ITGA9: variants seen among roughly 807,000 people sequenced by gnomAD.
ITGA9 encodes integrin alpha-9.
ITGA9 carries 56 observed loss-of-function variants against 127.8 expected under a neutral mutation model. That is an observed-to-expected ratio of 0.44 (90% CI 0.35 to 0.55). ITGA9 has a LOEUF of 0.55. ITGA9 is among the 20% of genes least tolerant of loss of function. The probability of loss-of-function intolerance (pLI) is 0.00; values close to 1 mark genes in which losing one functional copy is unlikely to be tolerated. For synonymous variants in ITGA9, 508 were observed against 514.5 expected (o/e 0.99, Z 0.17); for missense variants, 1,196 against 1,347.1 (o/e 0.89, Z 1.76).
chr3:37,527,032 A>G (rs1363581586), intron 13 of ITGA9, among the ~76,000 whole-genome samples: 1 of 152,242 alleles, frequency 6.6e-6, no homozygotes, highest in Non-Finnish European at 1.5e-5. Flanking sequence ...CTCAGGGGCC[A>G]GGTGGCCGGG....
intron 16 of ITGA9, among the ~76,000 whole-genome samples, chr3:37,638,403 A>C (rs2125639829): frequency 6.6e-6 from 1 of 151,138 alleles, no homozygotes; most frequent in South Asian, 2.1e-4. Context: ...GCCTGAGAGA[A>C]GTTCTGGGAG....
chr3:37,600,425 ACTC>A (rs1699911642), intron 15 of ITGA9, among the ~76,000 whole-genome samples: 1 of 152,000 alleles, frequency 6.6e-6, no homozygotes, highest in Non-Finnish European at 1.5e-5. Flanking sequence ...CCTGTGCTAC[ACTC>A]GAGCCAAGGT....
At chr3:37,658,640 A>G (rs1054867325) in intron 17 of ITGA9, among the ~76,000 whole-genome samples, 10 of 152,046 alleles carry the variant, frequency 6.6e-5, no homozygotes, top group Non-Finnish European at 8.8e-5. Flanking sequence ...TCTTCATCCA[A>G]TTTGCCAGTC....
At chr3:37,550,750 A>G (rs909431155) in intron 15 of ITGA9, among the ~76,000 whole-genome samples, 1 of 152,260 alleles carries the variant, frequency 6.6e-6, no homozygotes, top group African/African-American at 2.4e-5. Context: ...TTAACTTTTA[A>G]TAATGGCTGT....
chr3:37,587,968 C>T (rs755253505), intron 15 of ITGA9, among the ~76,000 whole-genome samples: 1 of 152,122 alleles, frequency 6.6e-6, no homozygotes, highest in Non-Finnish European at 1.5e-5. Context: ...CTGGAACAGC[C>T]CTCATTTGTT....
At chr3:37,459,729 G>C (rs1166398237) in intron 1 of ITGA9, among the ~76,000 whole-genome samples, 1 of 152,202 alleles carries the variant, frequency 6.6e-6, no homozygotes, top group Non-Finnish European at 1.5e-5. Context: ...GCCCACCCAG[G>C]CTGACTGCCT....
intron 16 of ITGA9, among the ~76,000 whole-genome samples, chr3:37,630,653 AC>A: frequency 6.6e-6 from 1 of 152,318 alleles, no homozygotes; most frequent in East Asian, 1.9e-4. Flanking sequence ...CAGCCTACAC[AC>A]ACATCAGCCA....
intron 27 of ITGA9, among the ~76,000 whole-genome samples, chr3:37,804,885 A>G (rs1697277669): frequency 1.3e-5 from 2 of 152,218 alleles, no homozygotes; most frequent in South Asian, 4.1e-4. Flanking sequence ...TTCACATCCC[A>G]GAAATAACCA....
chr3:37,498,494 G>A (rs1375954221), intron 5 of ITGA9, among the ~76,000 whole-genome samples: 3 of 152,340 alleles, frequency 2.0e-5, no homozygotes, highest in South Asian at 2.1e-4. Context: ...AACCGGCGGG[G>A]CAGGAGTGTG....
chr3:37,660,255 C>T (rs1263715067), intron 17 of ITGA9, among the ~76,000 whole-genome samples: 1 of 152,080 alleles, frequency 6.6e-6, no homozygotes, highest in Non-Finnish European at 1.5e-5. Context: ...AATAGGCCTT[C>T]CACAAAGTGT....
chr3:37,671,057 C>T (rs927599692), intron 17 of ITGA9, among the ~76,000 whole-genome samples: 7 of 152,226 alleles, frequency 4.6e-5, no homozygotes, highest in East Asian at 1.9e-4. Context: ...GGGCCCTTGC[C>T]GGGTCAAGTC....
chr3:37,590,733 G>A (rs1218474863), intron 15 of ITGA9, among the ~76,000 whole-genome samples: 1 of 152,164 alleles, frequency 6.6e-6, no homozygotes, highest in Non-Finnish European at 1.5e-5. Context: ...CCCTAGTGGG[G>A]GATGGATGAG....
At chr3:37,790,576 T>C in intron 26 of ITGA9, 1 of 232,912 alleles carries the variant, frequency 4.3e-6, no homozygotes. Context: ...ATGGTACAAG[T>C]TGTGCTTTAC....
At chr3:37,588,368 G>A (rs1046179125) in intron 15 of ITGA9, among the ~76,000 whole-genome samples, 1 of 149,592 alleles carries the variant, frequency 6.7e-6, no homozygotes, top group Admixed American at 6.6e-5. Flanking sequence ...ATGGCAATGG[G>A]CCTTCTGTGC....
intron 12 of ITGA9, among the ~76,000 whole-genome samples, chr3:37,524,465 A>G (rs1699073689): frequency 6.6e-6 from 1 of 152,202 alleles, no homozygotes; most frequent in Non-Finnish European, 1.5e-5. Flanking sequence ...ATTCCTCAAG[A>G]CAACAGAGCC....
intron 1 of ITGA9, among the ~76,000 whole-genome samples, chr3:37,454,620 C>T (rs749542412): frequency 6.6e-6 from 1 of 152,178 alleles, no homozygotes; most frequent in African/African-American, 2.4e-5. Context: ...TATTGGAGTG[C>T]TTGTCCCCAT....
intron 17 of ITGA9, among the ~76,000 whole-genome samples, chr3:37,671,038 C>T (rs917332992): frequency 2.0e-5 from 3 of 152,248 alleles, no homozygotes; most frequent in East Asian, 1.9e-4. Context: ...TGTGGCAGAT[C>T]GTAGCAGCGG....
chr3:37,496,683 T>G (rs1458604363), intron 5 of ITGA9, among the ~76,000 whole-genome samples: 1 of 152,170 alleles, frequency 6.6e-6, no homozygotes, highest in Non-Finnish European at 1.5e-5. Context: ...TCATCCTACT[T>G]AGAATGAAAT....
intron 1 of ITGA9, among the ~76,000 whole-genome samples, chr3:37,459,838 T>C (rs1256068107): frequency 1.3e-5 from 2 of 152,164 alleles, no homozygotes; most frequent in Non-Finnish European, 1.5e-5. Context: ...AGTTATTGAA[T>C]TGCAATAGCA....
Sources: gnomAD v4.1 joint callset for allele counts (sites outside exome capture counted in the v4.1 genomes callset) on GRCh38, gnomAD v4.1.1 for gene constraint, MANE v1.5 for transcripts, NCBI Gene and HGNC (gene_info 2026-07-23, HGNC 2026-07-21) for gene names.